Variants in KCNIP4 observed in about 807,000 individuals in gnomAD.
The protein encoded by KCNIP4 is Kv channel-interacting protein 4.
Under a neutral mutation model 34.0 loss-of-function variants are expected in KCNIP4, and 12 were observed. The observed-to-expected ratio is 0.35, with a 90% confidence interval of 0.23 to 0.57. The LOEUF is 0.57. Among genes scored for constraint, KCNIP4 ranks in the 20% least tolerant of loss-of-function variants. The pLI, the probability that KCNIP4 is intolerant of heterozygous loss-of-function variation, is 0.83. For synonymous variants in KCNIP4, 124 were observed against 102.2 expected (o/e 1.21, Z -1.29); for missense variants, 238 against 311.7 (o/e 0.76, Z 1.78).
intron 1 of KCNIP4, among the ~76,000 whole-genome samples, chr4:21,272,842 G>T (rs1025194074): frequency 6.6e-6 from 1 of 152,102 alleles, no homozygotes; most frequent in African/African-American, 2.4e-5. Context: ...GGAATTCTAA[G>T]GTTCTCTGAT....
intron 1 of KCNIP4, among the ~76,000 whole-genome samples, chr4:21,927,618 T>C (rs1329072092): frequency 6.6e-6 from 1 of 152,138 alleles, no homozygotes; most frequent in East Asian, 1.9e-4. Flanking sequence ...AATTTCAACA[T>C]AGTGTATTTA....
chr4:20,968,722 A>G (rs1469207060), intron 1 of KCNIP4, among the ~76,000 whole-genome samples: 1 of 151,024 alleles, frequency 6.6e-6, no homozygotes, highest in Non-Finnish European at 1.5e-5. Flanking sequence ...GTGGGAGTTG[A>G]ACAATGAGAA....
intron 1 of KCNIP4, among the ~76,000 whole-genome samples, chr4:21,679,357 T>C (rs1750162017): frequency 6.6e-6 from 1 of 152,242 alleles, no homozygotes; most frequent in Admixed American, 6.5e-5. Flanking sequence ...CTTTTGTTTA[T>C]GGATGTATCC....
At chr4:21,377,227 T>C (rs150078751) in intron 1 of KCNIP4, among the ~76,000 whole-genome samples, 3 of 152,198 alleles carry the variant, frequency 2.0e-5, no homozygotes, top group South Asian at 2.1e-4. Context: ...CAAAGTGCTA[T>C]GAAGAGCTAG....
At chr4:21,790,765 G>C (rs1452765800) in intron 1 of KCNIP4, among the ~76,000 whole-genome samples, 2 of 151,890 alleles carry the variant, frequency 1.3e-5, no homozygotes, top group Admixed American at 1.3e-4. Context: ...CCATATCCTT[G>C]AAGGGTGGAA....
At chr4:21,714,787 T>C (rs568638377) in intron 1 of KCNIP4, among the ~76,000 whole-genome samples, 2,037 of 12,020 alleles carry the variant, frequency 0.17, 520 homozygotes, top group African/African-American at 0.45. Context: ...TTCCCTTTGA[T>C]TATTTTATTT....
chr4:21,256,906 A>C (rs561269755), intron 1 of KCNIP4, among the ~76,000 whole-genome samples: 7 of 152,226 alleles, frequency 4.6e-5, no homozygotes, highest in Non-Finnish European at 1.0e-4. Flanking sequence ...TTGGTTGCTG[A>C]ATGTGCTTTC....
intron 1 of KCNIP4, among the ~76,000 whole-genome samples, chr4:21,217,435 G>A (rs1462260596): frequency 6.6e-6 from 1 of 152,122 alleles, no homozygotes. Flanking sequence ...AATTTTCAAG[G>A]TCAGAAAGCA....
At chr4:21,714,767 T>C in intron 1 of KCNIP4, among the ~76,000 whole-genome samples, 1 of 141,494 alleles carries the variant, frequency 7.1e-6, no homozygotes, top group Non-Finnish European at 1.5e-5. Flanking sequence ...ATAAAGAATG[T>C]GTTAGTAATT....
At chr4:20,896,075 C>T (rs116834738) in intron 1 of KCNIP4, among the ~76,000 whole-genome samples, 4,480 of 152,160 alleles carry the variant, frequency 0.029, 79 homozygotes, top group Non-Finnish European at 0.042. Flanking sequence ...TGAGGAGGAA[C>T]TGGATGGTCT....
rs141374886 is a variant in KCNIP4, at chr4:21,831,663, C to CAAAAAAAA, written c.61+116900_61+116907dup. Among the ~76,000 whole-genome samples the CAAAAAAAA allele has an allele frequency of 1.1e-3, 80 of 73,218 alleles. 6 individuals carry two copies. The highest frequency in any genetic ancestry group is 4.4e-3 in the African/African-American group (76 of 17,290). 48.0% of individuals were successfully genotyped at this position (73,218 alleles called of 152,430 possible). A position where few individuals can be genotyped will look rare whatever the true frequency, so the allele number is the denominator to read the frequency against. ...GAATCAGCAATTAAACATTTTTCAT[C>CAAAAAAAA]AAAAAAAAAAAAAAAAAAAAAAGCC... On this transcript the variant is annotated intron_variant, in intron 1 of 8. Transcript: ENST00000382152.
intron 1 of KCNIP4, among the ~76,000 whole-genome samples, chr4:21,372,398 A>T (rs201995121): frequency 9.7e-5 from 14 of 143,906 alleles, no homozygotes; most frequent in Non-Finnish European, 2.1e-4. Context: ...AGATAGTTAG[A>T]TAGACAGACA....
At chr4:21,541,495 A>C (rs1737691045) in intron 1 of KCNIP4, among the ~76,000 whole-genome samples, 1 of 152,266 alleles carries the variant, frequency 6.6e-6, no homozygotes, top group Middle Eastern at 3.4e-3. Flanking sequence ...GTAACCTTTA[A>C]GGAACGCTGT....
At chr4:21,301,974 C>T (rs893373157) in intron 1 of KCNIP4, among the ~76,000 whole-genome samples, 3 of 152,086 alleles carry the variant, frequency 2.0e-5, no homozygotes, top group African/African-American at 7.2e-5. Context: ...TGGTTATCAA[C>T]ATTTTACTAT....
chr4:21,521,717 A>G (rs1735543275), intron 1 of KCNIP4, among the ~76,000 whole-genome samples: 1 of 152,128 alleles, frequency 6.6e-6, no homozygotes, highest in Non-Finnish European at 1.5e-5. Context: ...TCCAATTTGG[A>G]CTACTGAAAT....
chr4:21,086,885 C>T (rs995099542), intron 1 of KCNIP4, among the ~76,000 whole-genome samples: 12 of 151,742 alleles, frequency 7.9e-5, no homozygotes, highest in Middle Eastern at 6.8e-3. Flanking sequence ...TCCCTCCCTC[C>T]GTCCCTCCCT....
chr4:21,749,369 C>T (rs575686993), intron 1 of KCNIP4, among the ~76,000 whole-genome samples: 7 of 152,222 alleles, frequency 4.6e-5, no homozygotes, highest in South Asian at 2.1e-4. Context: ...TTAGTTTCCA[C>T]GATGATCGCT....
At chr4:21,231,238 A>G (rs2109021107) in intron 1 of KCNIP4, among the ~76,000 whole-genome samples, 1 of 152,328 alleles carries the variant, frequency 6.6e-6, no homozygotes, top group South Asian at 2.1e-4. Flanking sequence ...AAGGGCTATG[A>G]ATTTATTCTT....
At chr4:20,748,201 A>C (rs1013223264) in intron 5 of KCNIP4, among the ~76,000 whole-genome samples, 1 of 152,002 alleles carries the variant, frequency 6.6e-6, no homozygotes, top group African/African-American at 2.4e-5. Context: ...TCTGGCCTCT[A>C]TCTCCTTCCC....
Sources: gnomAD v4.1 joint callset for allele counts (sites outside exome capture counted in the v4.1 genomes callset) on GRCh38, gnomAD v4.1.1 for gene constraint, MANE v1.5 for transcripts, NCBI Gene and HGNC (gene_info 2026-07-23, HGNC 2026-07-21) for gene names.